The following USP34 variants were observed in gnomAD, a reference collection of about 807,000 sequenced individuals.
USP34 encodes the protein ubiquitin carboxyl-terminal hydrolase 34.
A neutral mutation model predicts 460.3 loss-of-function variants in USP34; 70 were observed. The observed-to-expected ratio is 0.15, with a 90% CI of 0.13 to 0.19. The LOEUF is 0.19. USP34 is among the 10% of genes least tolerant of loss of function. The pLI is 1.00. For missense variants in USP34, 3,985 were observed against 4,236.2 expected, an observed-to-expected ratio of 0.94 and a Z score of 1.65; for synonymous variants, 1,647 against 1,405.3, an observed-to-expected ratio of 1.17 and a Z score of -3.85.
At chr2:61,231,464 G>C (rs1687902966) in intron 58 of USP34, among the ~76,000 whole-genome samples, 1 of 152,160 alleles carries the variant, frequency 6.6e-6, no homozygotes, top group Non-Finnish European at 1.5e-5. Flanking sequence ...TATAATCCCA[G>C]AACTCTGGGA....
intron 39 of USP34, 44 bp from the exon 40 acceptor site, chr2:61,278,487 T>C (rs115065092): frequency 0.011 from 15,832 of 1,392,214 alleles, 137 homozygotes; most frequent in Middle Eastern, 0.04. Flanking sequence ...AAATTTTTTA[T>C]GTTTTACCAA....
intron 19 of USP34, among the ~76,000 whole-genome samples, chr2:61,331,942 T>C (rs1268182368): frequency 6.6e-6 from 1 of 152,074 alleles, no homozygotes; most frequent in East Asian, 1.9e-4. Context: ...CTATTAGCAA[T>C]TTATCTGCTA....
chr2:61,447,579 G>A (rs1019667807), intron 1 of USP34, among the ~76,000 whole-genome samples: 1 of 152,044 alleles, frequency 6.6e-6, no homozygotes, highest in African/African-American at 2.4e-5. Context: ...CAAACCACTT[G>A]TCCATTTTCT....
chr2:61,463,782 C>T (rs1340162532), intron 1 of USP34, among the ~76,000 whole-genome samples: 4 of 150,098 alleles, frequency 2.7e-5, no homozygotes, highest in African/African-American at 4.9e-5. Context: ...TGCAATGAGC[C>T]GAGATCATGC....
At chr2:61,302,584 C>A (rs181183939) in intron 27 of USP34, among the ~76,000 whole-genome samples, 2 of 152,286 alleles carry the variant, frequency 1.3e-5, no homozygotes, top group Admixed American at 1.3e-4. Context: ...CCATTGTTAA[C>A]ACAGATACAA....
At position 61,380,141 on chromosome 2, in the gene USP34, G is replaced by C; in HGVS notation, c.1014+28C>G. ...ATAGACCAGAAAACAAATAAACGAT[G>C]ACCAAAAATAAAACAAATACAGCTT... On this transcript the variant is annotated intron_variant, in intron 7 of 79. Transcript: ENST00000398571. 1.9e-6 allele frequency: 3 copies of C among 1,592,760 alleles called. No homozygotes were observed. In the East Asian group the frequency reaches 6.7e-5, roughly 36 times the overall value.
chr2:61,330,561 A>AT (rs1050048407), intron 20 of USP34, among the ~76,000 whole-genome samples: 9 of 152,068 alleles, frequency 5.9e-5, no homozygotes, highest in African/African-American at 2.2e-4. Context: ...TTTCTATGTG[A>AT]TTTTTTCAAT....
In USP34 at chr2:61,350,667, A is replaced by G. The variant is rs1691917797; in HGVS notation, c.1278T>C (p.His426=). 5 of 1,612,162 alleles carry G rather than the reference A, an allele frequency of 3.1e-6. No homozygotes were observed. Among genetic ancestry groups the G allele is most frequent in the Non-Finnish European group, 4.2e-6 (5 of 1,179,594 alleles). The change falls in exon 11 of 80, where the codon CAT becomes CAC. Residue 426 remains histidine, a synonymous_variant. Coordinates refer to ENST00000398571, the MANE Select transcript of USP34 (RefSeq NM_014709.4). ...TCTTGATGAGTGAAGGAAATAAGTC[A>G]TGTATATACCGACTACAATGTTTCA... ...AQLKHCSRYI[H]DLFPSLIKNL... is the part of the protein sequence containing the mutation.
At chr2:61,369,612 C>T (rs1177870637) in intron 10 of USP34, among the ~76,000 whole-genome samples, 1 of 137,406 alleles carries the variant, frequency 7.3e-6, no homozygotes, top group Non-Finnish European at 1.5e-5. Context: ...CATGGCATTC[C>T]AGCCTGGGCT....
At chr2:61,221,018 G>A (rs1344451476) in intron 66 of USP34, among the ~76,000 whole-genome samples, 1 of 152,182 alleles carries the variant, frequency 6.6e-6, no homozygotes, top group East Asian at 1.9e-4. Flanking sequence ...TGCTACCACA[G>A]CAAAGTTGAG....
chr2:61,447,174 G>A (rs1279150251), intron 1 of USP34, among the ~76,000 whole-genome samples: 6 of 128,796 alleles, frequency 4.7e-5, no homozygotes, highest in Non-Finnish European at 9.4e-5. Context: ...CGAATCATTT[G>A]AACCCAGAAG....
At chr2:61,259,549 G>A (rs561670783) in intron 44 of USP34, among the ~76,000 whole-genome samples, 162 bp downstream of exon 44, 10 of 136,782 alleles carry the variant, frequency 7.3e-5, no homozygotes, top group African/African-American at 2.9e-4. Context: ...CACCATGCCT[G>A]GCTTATTTTT....
At position 61,314,889 on chromosome 2, in the gene USP34, G is replaced by C. The variant is rs1250138760; in HGVS notation, c.3368C>G (p.Ser1123Cys). 1 of 1,612,070 alleles carries C rather than the reference G, an allele frequency of 6.2e-7. No individual in the cohort carries two copies. Among genetic ancestry groups the C allele is most frequent in the East Asian group, 2.2e-5 (1 of 44,810 alleles). ...AAATCACTTACCATTAATATAATAGGAGTTAATATACTGGATAGCTGCTCG... is the reference window on the plus strand; with the variant it reads ...AAATCACTTACCATTAATATAATAGCAGTTAATATACTGGATAGCTGCTCG... ...VSRAAIQYIN[S>C]YYINGKTGLE... The change falls in exon 24 of 80, where the codon TCC (serine) becomes TGC (cysteine). Residue 1123 changes from serine (S) to cysteine (C), a missense_variant. Around this residue, in one of 14 missense-constraint regions of USP34, gnomAD observed 1,114 missense variants for 1,122.5 expected, o/e 0.99. Transcript: ENST00000398571.
intron 75 of USP34, among the ~76,000 whole-genome samples, chr2:61,196,302 G>C (rs898261922): frequency 1.3e-5 from 2 of 150,290 alleles, no homozygotes; most frequent in African/African-American, 2.5e-5. Context: ...GTGTTAGCCA[G>C]GATAGTCTCG....
rs776907742 is a variant in USP34 at position 61,188,240 on chromosome 2, A to G, written c.10503T>C (p.Ser3501=). 4 of 1,614,168 alleles carry G rather than the reference A, an allele frequency of 2.5e-6. No homozygotes were observed. The highest frequency in any genetic ancestry group is 3.4e-6 in the Non-Finnish European group (4 of 1,180,034). Residue 3501 remains serine, a synonymous_variant, in exon 80 of 80, where the codon TCT becomes TCC. Coordinates refer to ENST00000398571, the MANE Select transcript of USP34 (RefSeq NM_014709.4). ...LPSQDPEVAL[S]LSCGHSRGLF... Reference sequence around the variant, plus strand: ...GTCCTCTGGAATGGCCACAACTGAGAGATAAAGCAACCTCAGGGTCCTGGG... The same window carrying G: ...GTCCTCTGGAATGGCCACAACTGAGGGATAAAGCAACCTCAGGGTCCTGGG...
chr2:61,378,947 A>ATTCATTCCACAAATAGTATTCTTTAT lies in USP34; in HGVS notation c.1015-549_1015-524dup, dbSNP rs1473065672. On this transcript the variant is annotated intron_variant, in intron 7 of 79. Coordinates refer to ENST00000398571, the MANE Select transcript of USP34 (RefSeq NM_014709.4). ...AAAAAAAAAAAAAAAACAACACTAA[A>ATTCATTCCACAAATAGTATTCTTTAT]TTCATTCCACAAATAGTATTCTTTA... Among the ~76,000 whole-genome samples the ATTCATTCCACAAATAGTATTCTTTAT allele has an allele frequency of 3.2e-3, 479 of 147,704 alleles. 2 individuals are homozygous for ATTCATTCCACAAATAGTATTCTTTAT. Among genetic ancestry groups the ATTCATTCCACAAATAGTATTCTTTAT allele is most frequent in the Non-Finnish European group, 5.4e-3 (359 of 66,660 alleles).
At chr2:61,441,816 GAAAAA>G (rs1694973849) in intron 1 of USP34, among the ~76,000 whole-genome samples, 2 of 60,728 alleles carry the variant, frequency 3.3e-5, no homozygotes, top group South Asian at 4.2e-4. Flanking sequence ...AAAAAAAAAA[GAAAAA>G]AGAAAAGAAA....
chr2:61,340,773 G>A (rs1691572741), intron 16 of USP34, among the ~76,000 whole-genome samples: 1 of 151,246 alleles, frequency 6.6e-6, no homozygotes, highest in Non-Finnish European at 1.5e-5. Context: ...TCTTACTATT[G>A]AGTTATGAAA....
intron 41 of USP34, among the ~76,000 whole-genome samples, chr2:61,272,298 C>G (rs1252825114): frequency 6.6e-6 from 1 of 151,318 alleles, no homozygotes; most frequent in African/African-American, 2.4e-5. Flanking sequence ...GTAGTCCCAG[C>G]TACTTGGGAG....
Sources: gnomAD v4.1 joint callset for allele counts (sites outside exome capture counted in the v4.1 genomes callset) on GRCh38, gnomAD v4.1.1 for gene constraint, gnomAD v4.1.1 regional missense constraint, MANE v1.5 for transcripts, NCBI Gene and HGNC (gene_info 2026-07-23, HGNC 2026-07-21) for gene names.